BABAM2: variants seen among roughly 807,000 people sequenced by gnomAD.
BABAM2 encodes BRISC and BRCA1-A complex member 2.
A neutral mutation model predicts 54.7 loss-of-function variants in BABAM2; 31 were observed. That is an observed-to-expected ratio of 0.57 (90% confidence interval 0.43 to 0.77). The LOEUF (loss-of-function observed/expected upper bound fraction) is 0.77, where lower values mean the gene tolerates loss of function less well. Among genes scored for constraint, BABAM2 ranks in the 30% least tolerant of loss-of-function variants. The pLI is 0.00. For missense variants in BABAM2, 364 were observed against 455.8 expected (o/e 0.80, Z 1.83); for synonymous variants, 167 against 162.9 (o/e 1.03, Z -0.19).
chr2:28,065,837 T>G (rs954901402), intron 6 of BABAM2, among the ~76,000 whole-genome samples: 1 of 151,996 alleles, frequency 6.6e-6, no homozygotes, highest in Non-Finnish European at 1.5e-5. Flanking sequence ...ACCAATTTAT[T>G]CAACAATATT....
In BABAM2 at chr2:27,913,287, TA is replaced by T. The variant is rs1217465239; in HGVS notation, c.129-16543del. On this transcript the variant is annotated intron_variant, in intron 2 of 11. Coordinates refer to ENST00000379624, the MANE Select transcript of BABAM2 (RefSeq NM_199191.3). ...CTGTACTTTTCTTATTATGGATTAG[TA>T]ATAATTTACAGACCAGAACTGGTCC... Among the ~76,000 whole-genome samples, 17 of 152,308 alleles carry T rather than the reference TA, an allele frequency of 1.1e-4. No homozygotes were observed. The East Asian group carries it at 2.5e-3, about 22-fold the overall frequency.
chr2:27,903,099 C>G (rs557807095), intron 2 of BABAM2, among the ~76,000 whole-genome samples: 30 of 151,434 alleles, frequency 2.0e-4, no homozygotes, highest in Non-Finnish European at 3.2e-4. Context: ...CCCCACCCCC[C>G]CCACCGTATG....
intron 5 of BABAM2, among the ~76,000 whole-genome samples, chr2:28,027,970 T>G (rs1675995645): frequency 6.6e-6 from 1 of 152,244 alleles, no homozygotes; most frequent in African/African-American, 2.4e-5. Context: ...ACTTAGTGGC[T>G]TCAAACAATA....
intron 7 of BABAM2, among the ~76,000 whole-genome samples, chr2:28,158,033 A>T (rs1490453547): frequency 6.6e-6 from 1 of 152,208 alleles, no homozygotes; most frequent in African/African-American, 2.4e-5. Flanking sequence ...CTTTTCTTCT[A>T]TGTGTCAGAA....
intron 7 of BABAM2, among the ~76,000 whole-genome samples, chr2:28,202,236 G>A (rs746003460): frequency 2.0e-5 from 3 of 152,114 alleles, no homozygotes; most frequent in African/African-American, 2.4e-5. Context: ...ATTCGTGACC[G>A]GGGTACTGAC....
At chr2:28,317,851 A>G (rs1281024077) in intron 11 of BABAM2, among the ~76,000 whole-genome samples, 1 of 152,174 alleles carries the variant, frequency 6.6e-6, no homozygotes, top group Non-Finnish European at 1.5e-5. Context: ...GAGACGTTTT[A>G]AGATTGTGCC....
intron 6 of BABAM2, among the ~76,000 whole-genome samples, chr2:28,127,808 CTTT>C (rs570971927): frequency 3.7e-5 from 5 of 133,804 alleles, no homozygotes; most frequent in Admixed American, 7.5e-5. Context: ...AGTAGTGAGT[CTTT>C]TTTTTTTTTT....
At chr2:27,914,579 C>A (rs1666829685) in intron 2 of BABAM2, among the ~76,000 whole-genome samples, 1 of 152,024 alleles carries the variant, frequency 6.6e-6, no homozygotes, top group Non-Finnish European at 1.5e-5. Context: ...CTTCATTTTC[C>A]AGGAAGCTAC....
chr2:27,910,168 A>T (rs1666475043), intron 2 of BABAM2, among the ~76,000 whole-genome samples: 1 of 152,192 alleles, frequency 6.6e-6, no homozygotes, highest in Non-Finnish European at 1.5e-5. Flanking sequence ...TTAGTAGAGG[A>T]GACAAGGCCA....
chr2:28,087,341 A>C (rs1035490778), intron 6 of BABAM2, among the ~76,000 whole-genome samples: 1 of 152,168 alleles, frequency 6.6e-6, no homozygotes, highest in Non-Finnish European at 1.5e-5. Flanking sequence ...TGGACTCATC[A>C]GAGAACTAAG....
At chr2:28,171,093 G>A (rs1484755781) in intron 7 of BABAM2, among the ~76,000 whole-genome samples, 1 of 143,996 alleles carries the variant, frequency 6.9e-6, no homozygotes, top group East Asian at 2.0e-4. Context: ...TACATACTAC[G>A]TTGCAGTCTG....
At chr2:28,125,322 C>T (rs544941543) in intron 6 of BABAM2, among the ~76,000 whole-genome samples, 78 of 151,810 alleles carry the variant, frequency 5.1e-4, no homozygotes, top group African/African-American at 1.8e-3. Context: ...GAGACAGAGT[C>T]TCACTCTGTC....
intron 7 of BABAM2, among the ~76,000 whole-genome samples, chr2:28,160,835 A>G (rs1001857694): frequency 6.6e-6 from 1 of 151,842 alleles, no homozygotes; most frequent in Non-Finnish European, 1.5e-5. Flanking sequence ...GTTAGAGACA[A>G]TGGATTCCTG....
At chr2:28,337,283 G>A (rs1304406402) in intron 11 of BABAM2, among the ~76,000 whole-genome samples, 1 of 152,098 alleles carries the variant, frequency 6.6e-6, no homozygotes, top group Non-Finnish European at 1.5e-5. Flanking sequence ...TCAGCTGACA[G>A]CAAGCTGCTG....
At chr2:27,987,928 C>G in intron 3 of BABAM2, 65 bp from the exon 4 acceptor site, 1 of 1,335,326 alleles carries the variant, frequency 7.5e-7, no homozygotes, top group Admixed American at 1.9e-5. Context: ...TTTTCTGATA[C>G]AGTCTTCAGA....
rs549519769 is a variant in BABAM2 at position 28,244,072 on chromosome 2, G to A, written c.852-708G>A. On this transcript the variant is annotated intron_variant, in intron 9 of 11. Transcript: ENST00000379624. Reference sequence around the variant, plus strand: ...GTTGAGGCTACAGAATTGCGCCTTGGCCCATTCAGAGGTCAGGGGATGTTT... The same window carrying A: ...GTTGAGGCTACAGAATTGCGCCTTGACCCATTCAGAGGTCAGGGGATGTTT... Among the ~76,000 whole-genome samples, 31 of 152,198 alleles carry A rather than the reference G, an allele frequency of 2.0e-4. 1 individual carries two copies. The highest frequency in any genetic ancestry group is 7.2e-4 in the African/African-American group (30 of 41,532).
intron 11 of BABAM2, among the ~76,000 whole-genome samples, chr2:28,314,422 T>G (rs1030340844): frequency 2.0e-5 from 3 of 152,226 alleles, no homozygotes; most frequent in Admixed American, 1.3e-4. Flanking sequence ...GATTAAGGTC[T>G]GAGTTATCCC....
intron 10 of BABAM2, among the ~76,000 whole-genome samples, chr2:28,252,359 T>A (rs1419333763): frequency 1.3e-5 from 2 of 152,068 alleles, no homozygotes; most frequent in East Asian, 3.9e-4. Flanking sequence ...AACTACTGAG[T>A]CCTTTAGATA....
At chr2:28,296,396 G>A (rs1687697380) in intron 10 of BABAM2, among the ~76,000 whole-genome samples, 1 of 152,264 alleles carries the variant, frequency 6.6e-6, no homozygotes, top group Non-Finnish European at 1.5e-5. Context: ...CTAAAGAGTG[G>A]ACATTCAAAA....
Sources: gnomAD v4.1 joint callset for allele counts (sites outside exome capture counted in the v4.1 genomes callset) on GRCh38, gnomAD v4.1.1 for gene constraint, MANE v1.5 for transcripts, NCBI Gene and HGNC (gene_info 2026-07-23, HGNC 2026-07-21) for gene names.